The following LRBA variants were observed in gnomAD, a reference collection of about 807,000 sequenced individuals.
The protein encoded by LRBA is lipopolysaccharide-responsive and beige-like anchor protein.
A neutral mutation model predicts 330.0 loss-of-function variants in LRBA; 176 were observed. The ratio of observed to expected loss-of-function variants is 0.53; its 90% CI spans 0.47 to 0.60. LRBA has a LOEUF of 0.60. Among genes scored for constraint, LRBA ranks in the 20% least tolerant of loss-of-function variants. The pLI is 0.00. For synonymous variants in LRBA, 1,230 were observed against 1,193.0 expected, an observed-to-expected ratio of 1.03 and a Z score of -0.64; for missense variants, 3,259 against 3,444.8, an observed-to-expected ratio of 0.95 and a Z score of 1.35.
At chr4:150,714,950 T>C (rs920556469) in intron 36 of LRBA, among the ~76,000 whole-genome samples, 1 of 152,126 alleles carries the variant, frequency 6.6e-6, no homozygotes, top group African/African-American at 2.4e-5. Flanking sequence ...AAGATAAGAT[T>C]GCAAAGAACA....
At chr4:150,823,768 A>T (rs1248746718) in intron 30 of LRBA, among the ~76,000 whole-genome samples, 1 of 151,804 alleles carries the variant, frequency 6.6e-6, no homozygotes, top group Non-Finnish European at 1.5e-5. Flanking sequence ...TCACTTGTAG[A>T]CGTGTGGATT....
At chr4:150,757,685 A>T (rs1033833358) in intron 35 of LRBA, among the ~76,000 whole-genome samples, 1 of 152,314 alleles carries the variant, frequency 6.6e-6, no homozygotes, top group African/African-American at 2.4e-5. Context: ...CAAGGCACTA[A>T]ATATTTATAA....
At chr4:150,341,505 G>A (rs914682190) in intron 48 of LRBA, among the ~76,000 whole-genome samples, 4 of 151,924 alleles carry the variant, frequency 2.6e-5, no homozygotes, top group African/African-American at 9.6e-5. Flanking sequence ...CCTACCACAC[G>A]ATTTTTTCAA....
chr4:150,761,674 T>C (rs1735107436), intron 35 of LRBA, 109 bp downstream of exon 35: 1 of 624,698 alleles, frequency 1.6e-6, no homozygotes, highest in Admixed American at 3.4e-5. Flanking sequence ...CTCCATTACA[T>C]TACTGACTGA....
chr4:150,831,979 G>T lies in LRBA; in HGVS notation c.4570-3C>A. The T allele has an allele frequency of 6.8e-7, 1 of 1,462,612 alleles. No homozygotes were observed. Among genetic ancestry groups the T allele is most frequent in the South Asian group, 1.5e-5 (1 of 65,112 alleles). The allele number at this position is 1,462,612 out of a possible 1,614,324, so 90.6% of individuals were successfully genotyped here. Reference sequence around the variant, plus strand: ...AATTGAGCTTGTTTGCTATCCTCCTGGGAAAAAAAATTAAAGGAGTTGATT... The same window carrying T: ...AATTGAGCTTGTTTGCTATCCTCCTTGGAAAAAAAATTAAAGGAGTTGATT... On this transcript the variant is annotated splice_polypyrimidine_tract_variant and splice_region_variant and intron_variant, in intron 28 of 56. Transcript: ENST00000651943.
chr4:150,930,478 C>T (rs1484788894), intron 2 of LRBA, among the ~76,000 whole-genome samples: 2 of 151,826 alleles, frequency 1.3e-5, no homozygotes, highest in African/African-American at 4.8e-5. Context: ...AGGCAACAGA[C>T]CAAGACTCCA....
In LRBA at chr4:150,321,290, G is replaced by A. The variant is rs137983049; in HGVS notation, c.7531C>T (p.His2511Tyr). The change falls in exon 50 of 57, where the codon CAC becomes TAC. Residue 2511 changes from histidine to tyrosine, a missense_variant. By Grantham distance (83) the His-to-Tyr change is moderately conservative. Coordinates refer to ENST00000651943, the MANE Select transcript of LRBA (RefSeq NM_001364905.1). The surrounding 1 kb of genome is among the most constrained non-coding windows in gnomAD (Gnocchi z 4.5). ...LKFPSNSPVTHVAANTQPGLA... is the reference protein window; with the variant it reads ...LKFPSNSPVTYVAANTQPGLA... The stretch of plus-strand genomic sequence containing the variant: ...CCAGGCTGGGTGTTGGCTGCCACGT[G>A]AGTAACAGGGGAGTTGGAGGGAAAC... The A allele has an allele frequency of 4.5e-5, 73 of 1,610,740 alleles. No homozygotes were observed. The highest frequency in any genetic ancestry group is 3.9e-4 in the African/African-American group (29 of 74,738).
chr4:150,812,667 C>G (rs1373078239), intron 31 of LRBA, among the ~76,000 whole-genome samples: 1 of 151,996 alleles, frequency 6.6e-6, no homozygotes, highest in Non-Finnish European at 1.5e-5. Context: ...AAATATTTCC[C>G]TAATATTAAA....
At chr4:150,422,806 GT>G in intron 46 of LRBA, 1 of 1,471,252 alleles carries the variant, frequency 6.8e-7, no homozygotes, top group Non-Finnish European at 9.5e-7. Context: ...ATGTGCTGCG[GT>G]TTGCCCTGGA....
chr4:150,394,644 T>G (rs112228360), intron 47 of LRBA, among the ~76,000 whole-genome samples: 5 of 152,216 alleles, frequency 3.3e-5, no homozygotes, highest in African/African-American at 1.2e-4. Flanking sequence ...ATATCAGGAC[T>G]AAAGTGAGAT....
chr4:150,883,114 A>C (rs1462676579), intron 17 of LRBA, among the ~76,000 whole-genome samples: 1 of 152,160 alleles, frequency 6.6e-6, no homozygotes, highest in Non-Finnish European at 1.5e-5. Flanking sequence ...CTTTCAGTTA[A>C]TATGAAACCT....
In LRBA at chr4:150,831,825, G is replaced by T. The variant is rs886443286; in HGVS notation, c.4721C>A (p.Ser1574Ter). Residue 1574 changes from serine to a stop codon, truncating the protein, a stop_gained, in exon 29 of 57, where the codon TCA becomes TAA. Transcript: ENST00000651943. LOFTEE classifies it high-confidence loss of function. ...AGAAAATGCAAACTTACCAGAGAGTGATACATTCTCATTTTCACTGCCAGT... is the reference window on the plus strand; with the variant it reads ...AGAAAATGCAAACTTACCAGAGAGTTATACATTCTCATTTTCACTGCCAGT... ...TETGSENENVSLSEITPAAFS... is the reference protein window; with the variant it reads ...TETGSENENV 6.3e-7 allele frequency: 1 copy of T among 1,594,356 alleles called. No individual in the cohort carries two copies. Among genetic ancestry groups the T allele is most frequent in the African/African-American group, 1.3e-5 (1 of 74,324 alleles).
intron 42 of LRBA, among the ~76,000 whole-genome samples, chr4:150,481,191 A>G (rs1395044835): frequency 6.6e-6 from 1 of 152,092 alleles, no homozygotes; most frequent in African/African-American, 2.4e-5. Context: ...TTATGGCTGA[A>G]TAGTATTCCA....
chr4:150,878,242 G>A (rs1466354001), intron 17 of LRBA, among the ~76,000 whole-genome samples: 1 of 152,072 alleles, frequency 6.6e-6, no homozygotes, highest in Non-Finnish European at 1.5e-5. Flanking sequence ...AGGAGGCTGA[G>A]GCAGGAGAGT....
At chr4:150,609,654 GA>G (rs1469119219) in intron 37 of LRBA, among the ~76,000 whole-genome samples, 2 of 152,204 alleles carry the variant, frequency 1.3e-5, no homozygotes, top group African/African-American at 4.8e-5. Context: ...ACAGTGGCTG[GA>G]AGGAAAAGTA....
chr4:150,915,485 T>C, intron 8 of LRBA, 123 bp downstream of exon 8: 2 of 791,912 alleles, frequency 2.5e-6, no homozygotes, highest in Non-Finnish European at 3.8e-6. Context: ...CCAAATTATG[T>C]TTATAAAAAT....
chr4:150,317,849 T>C (rs1014778286), intron 50 of LRBA, among the ~76,000 whole-genome samples: 2 of 152,152 alleles, frequency 1.3e-5, no homozygotes, highest in Non-Finnish European at 2.9e-5. Context: ...TAAAATAGGT[T>C]AGATTGAACC....
intron 28 of LRBA, among the ~76,000 whole-genome samples, chr4:150,838,703 T>G (rs1454394615): frequency 6.6e-6 from 1 of 152,224 alleles, no homozygotes; most frequent in Non-Finnish European, 1.5e-5. Flanking sequence ...TAATCTTTTT[T>G]CAAGGTTTTC....
At chr4:150,898,992 C>T (rs1022929859) in intron 14 of LRBA, among the ~76,000 whole-genome samples, 2 of 152,164 alleles carry the variant, frequency 1.3e-5, no homozygotes, top group African/African-American at 2.4e-5. Context: ...ACAACCAAAG[C>T]CTCTTACTGC....
Sources: allele counts gnomAD v4.1 joint callset (sites outside exome capture counted in the v4.1 genomes callset), GRCh38; gene constraint gnomAD v4.1.1; non-coding constraint Gnocchi (gnomAD v3.1); transcripts MANE v1.5; gene names NCBI Gene and HGNC (gene_info 2026-07-23, HGNC 2026-07-21).